NKAIN3: variants seen among roughly 807,000 people sequenced by gnomAD.
NKAIN3 encodes the protein sodium/potassium transporting ATPase interacting 3.
In NKAIN3, 25 loss-of-function variants were observed where a neutral mutation model predicts 30.2. The ratio of observed to expected loss-of-function variants is 0.83; its 90% confidence interval spans 0.60 to 1.16. The LOEUF is 1.16. NKAIN3 is among the 50% of genes most tolerant of loss of function. The pLI is 0.00. For synonymous variants in NKAIN3, 91 were observed against 89.6 expected, an observed-to-expected ratio of 1.02 and a Z score of -0.09; for missense variants, 225 against 254.1, an observed-to-expected ratio of 0.89 and a Z score of 0.78.
intron 3 of NKAIN3, among the ~76,000 whole-genome samples, chr8:62,641,531 GTGGT>G (rs750699653): frequency 1.3e-5 from 2 of 152,124 alleles, no homozygotes; most frequent in Non-Finnish European, 2.9e-5. Context: ...TTTTTGATAA[GTGGT>G]TGGGAGGACA....
At chr8:62,459,283 G>C (rs1408085000) in intron 1 of NKAIN3, among the ~76,000 whole-genome samples, 1 of 152,154 alleles carries the variant, frequency 6.6e-6, no homozygotes, top group African/African-American at 2.4e-5. Flanking sequence ...GTCTAGGTCA[G>C]CTGAGCAACA....
At chr8:62,489,735 A>C (rs981733568) in intron 1 of NKAIN3, among the ~76,000 whole-genome samples, 2 of 152,218 alleles carry the variant, frequency 1.3e-5, no homozygotes, top group Non-Finnish European at 2.9e-5. Flanking sequence ...ATAACTCGTA[A>C]GAGTTGTCTG....
intron 1 of NKAIN3, among the ~76,000 whole-genome samples, chr8:62,309,956 C>T (rs987726908): frequency 4.0e-5 from 6 of 150,186 alleles, no homozygotes; most frequent in Admixed American, 6.6e-5. Flanking sequence ...CATTCATCCT[C>T]AACTATAAAT....
At chr8:62,877,003 GGAGA>G (rs1299759134) in intron 4 of NKAIN3, among the ~76,000 whole-genome samples, 1 of 151,224 alleles carries the variant, frequency 6.6e-6, no homozygotes, top group Non-Finnish European at 1.5e-5. Flanking sequence ...AAAAAGAAAA[GGAGA>G]GAGAGAGAGT....
chr8:62,775,582 A>G (rs771081664), intron 4 of NKAIN3, among the ~76,000 whole-genome samples: 1 of 152,004 alleles, frequency 6.6e-6, no homozygotes, highest in Non-Finnish European at 1.5e-5. Context: ...GCTGTATTCC[A>G]TAGGTTTTTG....
intron 4 of NKAIN3, chr8:62,863,904 G>T: frequency 1.5e-6 from 2 of 1,316,454 alleles, no homozygotes; most frequent in Non-Finnish European, 2.2e-6. Flanking sequence ...TCTGATCCAG[G>T]ATCTCCTCCT....
intron 4 of NKAIN3, among the ~76,000 whole-genome samples, chr8:62,801,471 T>A (rs1275188539): frequency 6.6e-6 from 1 of 152,226 alleles, no homozygotes; most frequent in Non-Finnish European, 1.5e-5. Flanking sequence ...GAAAACCCGC[T>A]GTTCTGCAGC....
intron 3 of NKAIN3, among the ~76,000 whole-genome samples, chr8:62,641,491 A>G (rs899948927): frequency 6.6e-6 from 1 of 152,108 alleles, no homozygotes; most frequent in Non-Finnish European, 1.5e-5. Context: ...TAATCCATAA[A>G]TTCTTTGTAG....
intron 1 of NKAIN3, among the ~76,000 whole-genome samples, chr8:62,340,768 T>G (rs2129590937): frequency 6.6e-6 from 1 of 152,044 alleles, no homozygotes; most frequent in African/African-American, 2.4e-5. Flanking sequence ...CCCTGTAAAC[T>G]TAGGAGCATT....
At chr8:62,595,382 C>CTTTT (rs1181598520) in intron 3 of NKAIN3, among the ~76,000 whole-genome samples, 2,002 of 109,874 alleles carry the variant, frequency 0.018, 78 homozygotes, top group African/African-American at 0.058. Flanking sequence ...GGGCTATTTT[C>CTTTT]TTTTTTTTTT....
At chr8:62,720,356 G>A (rs1316516035) in intron 3 of NKAIN3, among the ~76,000 whole-genome samples, 1 of 151,986 alleles carries the variant, frequency 6.6e-6, no homozygotes, top group Non-Finnish European at 1.5e-5. Context: ...ATTGTGTGTG[G>A]TACATTCTAT....
chr8:62,695,567 A>G (rs1229507101), intron 3 of NKAIN3, among the ~76,000 whole-genome samples: 2 of 152,224 alleles, frequency 1.3e-5, no homozygotes, highest in Non-Finnish European at 2.9e-5. Flanking sequence ...GGGCAGAAGG[A>G]GTAATTGACA....
At chr8:62,438,794 C>A (rs1055082200) in intron 1 of NKAIN3, among the ~76,000 whole-genome samples, 1 of 152,164 alleles carries the variant, frequency 6.6e-6, no homozygotes, top group Non-Finnish European at 1.5e-5. Flanking sequence ...AACTCCTGAT[C>A]TCAAGTGATC....
chr8:62,360,731 C>T (rs958545400), intron 1 of NKAIN3, among the ~76,000 whole-genome samples: 2 of 151,954 alleles, frequency 1.3e-5, no homozygotes, highest in African/African-American at 4.8e-5. Context: ...GTTAAAGTCT[C>T]CCACTATTAT....
At chr8:62,455,873 G>A (rs538644858) in intron 1 of NKAIN3, among the ~76,000 whole-genome samples, 1 of 152,248 alleles carries the variant, frequency 6.6e-6, no homozygotes, top group African/African-American at 2.4e-5. Context: ...ATCTTTGGGG[G>A]ATATGTTCCA....
At chr8:62,931,908 G>A (rs1822629405) in intron 5 of NKAIN3, among the ~76,000 whole-genome samples, 1 of 152,098 alleles carries the variant, frequency 6.6e-6, no homozygotes, top group African/African-American at 2.4e-5. Flanking sequence ...ATGGAATCCT[G>A]TATTCTTTCC....
intron 6 of NKAIN3, 138 bp downstream of exon 6, chr8:62,954,110 A>G (rs117580305): frequency 2.3e-3 from 365 of 155,808 alleles, no homozygotes; most frequent in Middle Eastern, 6.6e-3. Flanking sequence ...CACCTTTCAC[A>G]TGTAACCCAA....
At chr8:62,886,414 G>T (rs918656579) in intron 4 of NKAIN3, among the ~76,000 whole-genome samples, 8 of 151,874 alleles carry the variant, frequency 5.3e-5, no homozygotes, top group Admixed American at 2.6e-4. Context: ...TTAAGAATAA[G>T]CAAAACTAAA....
At chr8:62,596,219 G>A (rs548515847) in intron 3 of NKAIN3, among the ~76,000 whole-genome samples, 70 of 152,086 alleles carry the variant, frequency 4.6e-4, no homozygotes, top group Admixed American at 1.4e-3. Context: ...CTATGTCTTC[G>A]TGAGTTTCCT....
Sources: allele counts gnomAD v4.1 joint callset (sites outside exome capture counted in the v4.1 genomes callset), GRCh38; gene constraint gnomAD v4.1.1; transcripts MANE v1.5; gene names NCBI Gene and HGNC (gene_info 2026-07-23, HGNC 2026-07-21).